Variants in PRKCH observed in about 807,000 individuals in gnomAD.
PRKCH encodes protein kinase C eta, also known as protein kinase C eta type.
PRKCH carries 28 observed loss-of-function variants against 82.5 expected under a neutral mutation model. The observed-to-expected ratio is 0.34, with a 90% CI of 0.25 to 0.47. The LOEUF (loss-of-function observed/expected upper bound fraction) is 0.47, where lower values mean the gene tolerates loss of function less well. Ranked by LOEUF, PRKCH falls within the 20% of genes least tolerant of loss-of-function variation. PRKCH has a pLI of 1.00. For synonymous variants in PRKCH, 322 were observed against 327.4 expected (o/e 0.98, Z 0.18); for missense variants, 705 against 881.8 (o/e 0.80, Z 2.54).
chr14:61,343,853 C>T (rs2045958732), intron 1 of PRKCH, among the ~76,000 whole-genome samples: 1 of 152,184 alleles, frequency 6.6e-6, no homozygotes. Context: ...TGTGGAAGTA[C>T]AGCCTGACTT....
intron 1 of PRKCH, among the ~76,000 whole-genome samples, chr14:61,210,753 T>TC (rs2044568788): frequency 2.2e-5 from 1 of 45,630 alleles, no homozygotes; most frequent in African/African-American, 5.6e-5. Context: ...CCAAGAGTCC[T>TC]TTCTCTCTCT....
chr14:61,471,830 A>T (rs767732263), intron 9 of PRKCH, among the ~76,000 whole-genome samples: 1 of 152,084 alleles, frequency 6.6e-6, no homozygotes, highest in Non-Finnish European at 1.5e-5. Context: ...ATTGGTTCCC[A>T]GGGGGGAAGA....
intron 4 of PRKCH, among the ~76,000 whole-genome samples, chr14:61,447,208 A>G (rs1025200609): frequency 6.6e-6 from 1 of 152,212 alleles, no homozygotes; most frequent in African/African-American, 2.4e-5. Context: ...TAACATTTTT[A>G]TTTGTTTTGT....
chr14:61,523,302 A>G (rs866586588), intron 10 of PRKCH, among the ~76,000 whole-genome samples: 5 of 152,244 alleles, frequency 3.3e-5, no homozygotes, highest in Non-Finnish European at 5.9e-5. Flanking sequence ...TTTCATAGTA[A>G]TATGCATAAA....
intron 1 of PRKCH, among the ~76,000 whole-genome samples, chr14:61,198,882 A>T (rs2044459614): frequency 6.6e-6 from 1 of 152,224 alleles, no homozygotes; most frequent in Admixed American, 6.5e-5. Flanking sequence ...CATCATTCCC[A>T]TGAGATCCTC....
chr14:61,415,365 C>G (rs1438358720), intron 2 of PRKCH, among the ~76,000 whole-genome samples: 1 of 152,204 alleles, frequency 6.6e-6, no homozygotes, highest in Non-Finnish European at 1.5e-5. Context: ...GAGGGTCCCC[C>G]TACCCCCCAT....
chr14:61,197,832 C>T (rs1035860442), intron 1 of PRKCH, among the ~76,000 whole-genome samples: 4 of 152,130 alleles, frequency 2.6e-5, no homozygotes, highest in African/African-American at 7.2e-5. Flanking sequence ...GACAGTGCCT[C>T]CACTTGTGAG....
chr14:61,195,344 A>G (rs919764331), intron 1 of PRKCH, among the ~76,000 whole-genome samples: 1 of 146,596 alleles, frequency 6.8e-6, no homozygotes, highest in Non-Finnish European at 1.5e-5. Context: ...ATAAGTTTTT[A>G]TAGTGTATGG....
intron 1 of PRKCH, among the ~76,000 whole-genome samples, chr14:61,367,345 C>CGTGTGTGT (rs1349074944): frequency 7.0e-6 from 1 of 142,664 alleles, no homozygotes; most frequent in African/African-American, 2.8e-5. Flanking sequence ...TCAGGTATTG[C>CGTGTGTGT]GTGTGTGTGT....
chr14:61,393,198 C>T (rs2046713192), intron 2 of PRKCH, among the ~76,000 whole-genome samples: 1 of 152,146 alleles, frequency 6.6e-6, no homozygotes, highest in South Asian at 2.1e-4. Context: ...ATAGTATGAG[C>T]CCTCCAACTC....
chr14:61,287,203 T>A (rs1245710847), intron 1 of PRKCH, among the ~76,000 whole-genome samples: 1 of 61,458 alleles, frequency 1.6e-5, no homozygotes, highest in Non-Finnish European at 2.8e-5. Flanking sequence ...AGACTCCGTC[T>A]TAAAAAAAAA....
chr14:61,335,788 A>G (rs2045849036), intron 1 of PRKCH, among the ~76,000 whole-genome samples: 1 of 152,240 alleles, frequency 6.6e-6, no homozygotes, highest in Non-Finnish European at 1.5e-5. Context: ...AAGAAGACAC[A>G]TTAACATTTG....
chr14:61,332,016 G>A (rs1305986458), intron 1 of PRKCH, among the ~76,000 whole-genome samples: 1 of 152,174 alleles, frequency 6.6e-6, no homozygotes, highest in Non-Finnish European at 1.5e-5. Flanking sequence ...TTATGCTAAC[G>A]CACTCCTTGT....
At chr14:61,245,095 G>C (rs571007741) in intron 1 of PRKCH, among the ~76,000 whole-genome samples, 1 of 152,184 alleles carries the variant, frequency 6.6e-6, no homozygotes, top group African/African-American at 2.4e-5. Context: ...CTCCATGTGA[G>C]GAGTTTACTA....
At chr14:61,203,341 C>A (rs1012311108) in intron 1 of PRKCH, among the ~76,000 whole-genome samples, 3 of 152,074 alleles carry the variant, frequency 2.0e-5, no homozygotes, top group Non-Finnish European at 2.9e-5. Context: ...GACGTTAGGT[C>A]CCCAGTGGTC....
chr14:61,516,760 G>A (rs2042834565), intron 10 of PRKCH, among the ~76,000 whole-genome samples: 1 of 152,110 alleles, frequency 6.6e-6, no homozygotes, highest in South Asian at 2.1e-4. Context: ...TGTGTGTGTT[G>A]CCGTCTTGTG....
chr14:61,271,003 G>A (rs914381827), intron 1 of PRKCH, among the ~76,000 whole-genome samples: 2 of 152,160 alleles, frequency 1.3e-5, no homozygotes, highest in Admixed American at 6.5e-5. Context: ...AAGTAAAGGT[G>A]TCATGAAAGT....
At chr14:61,272,261 G>T (rs1389816858) in intron 1 of PRKCH, among the ~76,000 whole-genome samples, 2 of 149,442 alleles carry the variant, frequency 1.3e-5, no homozygotes, top group African/African-American at 4.9e-5. Context: ...AAAACCAAGG[G>T]AAATCACTTA....
At chr14:61,508,265 C>A (rs1887238215) in intron 10 of PRKCH, among the ~76,000 whole-genome samples, 1 of 152,160 alleles carries the variant, frequency 6.6e-6, no homozygotes, top group South Asian at 2.1e-4. Context: ...ACTGTACTAG[C>A]AGCTGGCAAG....
Sources: gnomAD v4.1 joint callset for allele counts (sites outside exome capture counted in the v4.1 genomes callset) on GRCh38, gnomAD v4.1.1 for gene constraint, MANE v1.5 for transcripts, NCBI Gene and HGNC (gene_info 2026-07-23, HGNC 2026-07-21) for gene names.